The following TRHDE variants were observed in gnomAD, a reference collection of about 807,000 sequenced individuals.
TRHDE encodes the protein thyrotropin-releasing hormone-degrading ectoenzyme.
A neutral mutation model predicts 125.7 loss-of-function variants in TRHDE; 72 were observed. The observed-to-expected ratio is 0.57, with a 90% CI of 0.47 to 0.70. The LOEUF is 0.70. TRHDE is among the 30% of genes least tolerant of loss of function. TRHDE has a pLI of 0.00. For synonymous variants in TRHDE, 509 were observed against 509.1 expected (o/e 1.00, Z 0.00); for missense variants, 1,110 against 1,327.1 (o/e 0.84, Z 2.54).
intron 2 of TRHDE, among the ~76,000 whole-genome samples, chr12:72,317,786 TG>T (rs1565696232): frequency 6.6e-6 from 1 of 152,052 alleles, no homozygotes; most frequent in Non-Finnish European, 1.5e-5. Context: ...TAGGATGGAA[TG>T]GGCAGGGAAC....
intron 5 of TRHDE, among the ~76,000 whole-genome samples, chr12:72,495,060 G>GTTTTTTTTTTTT (rs751243542): frequency 3.4e-5 from 2 of 58,390 alleles, no homozygotes; most frequent in African/African-American, 7.4e-5. Context: ...TTCCTCCCCC[G>GTTTTTTTTTTTT]TTTTTTTTTT....
chr12:72,548,712 CCT>C (rs1475886527), intron 7 of TRHDE, among the ~76,000 whole-genome samples: 1 of 151,330 alleles, frequency 6.6e-6, no homozygotes, highest in Admixed American at 6.6e-5. Context: ...ATTATGAAAT[CCT>C]CACATAAAAT....
chr12:72,635,444 C>T (rs1446375871), intron 15 of TRHDE, among the ~76,000 whole-genome samples: 8 of 152,120 alleles, frequency 5.3e-5, no homozygotes, highest in South Asian at 2.1e-4. Flanking sequence ...TTCTCCCATT[C>T]TGTAGGTTGC....
chr12:72,583,711 C>T (rs1484027665), intron 12 of TRHDE, among the ~76,000 whole-genome samples: 1 of 152,130 alleles, frequency 6.6e-6, no homozygotes, highest in Non-Finnish European at 1.5e-5. Flanking sequence ...TTTCAAGCTA[C>T]ACTGTTTCTG....
intron 2 of TRHDE, among the ~76,000 whole-genome samples, chr12:72,163,452 C>G (rs1367974858): frequency 1.3e-5 from 2 of 152,228 alleles, no homozygotes; most frequent in East Asian, 3.9e-4. Flanking sequence ...CAATGTCAAG[C>G]CTTAGGGGAA....
chr12:72,621,678 A>G lies in TRHDE; in HGVS notation c.2602A>G (p.Ser868Gly). Residue 868 changes from serine (S) to glycine (G), a missense_variant, in exon 15 of 19, where the codon AGT (serine) becomes GGT (glycine). Physicochemically the swap from Ser to Gly is moderately conservative, Grantham distance 56. Coordinates refer to ENST00000261180, the MANE Select transcript of TRHDE (RefSeq NM_013381.3). Reference sequence around the variant, plus strand: ...TAGAGAAGTTATAATGCTGGCCTGCAGTTTTGGCAACAAGCACTGTCACCA... The same window carrying G: ...TAGAGAAGTTATAATGCTGGCCTGCGGTTTTGGCAACAAGCACTGTCACCA... ...LRREVIMLAC[S>G]FGNKHCHQQA... The G allele has an allele frequency of 6.2e-7, 1 of 1,607,846 alleles. No homozygotes were observed. The highest frequency in any genetic ancestry group is 1.3e-5 in the African/African-American group (1 of 74,336).
At chr12:72,154,504 ATTTGGCATGT>A (rs1191212337) in intron 2 of TRHDE, among the ~76,000 whole-genome samples, 1 of 152,130 alleles carries the variant, frequency 6.6e-6, no homozygotes, top group African/African-American at 2.4e-5. Context: ...GGTCTTTACA[ATTTGGCATGT>A]TTTTGCAGTG....
chr12:72,567,384 T>C (rs1262094338), intron 9 of TRHDE, among the ~76,000 whole-genome samples: 1 of 151,974 alleles, frequency 6.6e-6, no homozygotes, highest in East Asian at 1.9e-4. Flanking sequence ...TGATTTTCCA[T>C]ACTGGAGATA....
chr12:72,220,874 A>T (rs1006377004), intron 2 of TRHDE, among the ~76,000 whole-genome samples: 1 of 152,026 alleles, frequency 6.6e-6, no homozygotes, highest in Non-Finnish European at 1.5e-5. Flanking sequence ...TTTCCTTATT[A>T]TGAAAGTTAG....
At position 72,272,690 on chromosome 12, in the gene TRHDE, A is replaced by G. The variant is rs1879274047; in HGVS notation, c.47A>G (p.Lys16Arg). 17 of 1,356,450 alleles carry G rather than the reference A, an allele frequency of 1.3e-5. No individual in the cohort carries two copies. In the South Asian group the frequency reaches 2.6e-4, roughly 21 times the overall value. 84.0% of individuals were successfully genotyped at this position (1,356,450 alleles called of 1,614,324 possible). ...GGGGAGCAAGAGGAGGAGAAGAAAA[A>G]GAAGAAGAAAAAGAAGAGGAAGAAG... Reference protein sequence around the residue: ...ELGEQEEEKKKKKKKKRKKKK... With the variant: ...ELGEQEEEKKRKKKKKRKKKK... The change falls in exon 1 of 19, where the codon AAG becomes AGG. Residue 16 changes from lysine to arginine, a missense_variant. Lys to Arg is a conservative substitution (Grantham distance 26). Coordinates refer to ENST00000261180, the MANE Select transcript of TRHDE (RefSeq NM_013381.3). The surrounding 1 kb of genome is among the most constrained non-coding windows in gnomAD (Gnocchi z 6.7).
intron 2 of TRHDE, among the ~76,000 whole-genome samples, chr12:72,151,960 G>C (rs1194133651): frequency 6.6e-6 from 1 of 151,554 alleles, no homozygotes. Flanking sequence ...GATGGGGATG[G>C]CATTGAATCT....
chr12:72,122,641 CACTT>C (rs1169807826), intron 2 of TRHDE, among the ~76,000 whole-genome samples: 1 of 151,772 alleles, frequency 6.6e-6, no homozygotes, highest in Non-Finnish European at 1.5e-5. Flanking sequence ...TAACTCAAAA[CACTT>C]AGAGTTTTAT....
At chr12:72,481,838 C>T (rs994273976) in intron 5 of TRHDE, among the ~76,000 whole-genome samples, 2 of 151,944 alleles carry the variant, frequency 1.3e-5, no homozygotes, top group African/African-American at 4.8e-5. Flanking sequence ...GTGTCATATA[C>T]ATCATTAAAG....
chr12:72,604,648 T>G (rs1435185233), intron 12 of TRHDE, among the ~76,000 whole-genome samples: 1 of 152,060 alleles, frequency 6.6e-6, no homozygotes, highest in Non-Finnish European at 1.5e-5. Flanking sequence ...TAATTCTTAT[T>G]TTGTCACTTT....
chr12:72,121,520 A>G (rs1422220567), intron 2 of TRHDE, among the ~76,000 whole-genome samples: 1 of 152,140 alleles, frequency 6.6e-6, no homozygotes, highest in Non-Finnish European at 1.5e-5. Flanking sequence ...AATGCAAAGT[A>G]CCGCAATCAC....
chr12:72,614,330 A>ATATATATATATATATTT (rs531067163), intron 12 of TRHDE, among the ~76,000 whole-genome samples: 5 of 129,858 alleles, frequency 3.9e-5, no homozygotes, highest in African/African-American at 1.5e-4. Context: ...ATATATATAT[A>ATATATATATATATATTT]TTTTTTTTTT....
chr12:72,099,911 G>C (rs1201645553), intron 1 of TRHDE, among the ~76,000 whole-genome samples: 2 of 152,132 alleles, frequency 1.3e-5, no homozygotes, highest in Admixed American at 6.5e-5. Context: ...GATATGTTCT[G>C]AAAGGGTACA....
intron 2 of TRHDE, among the ~76,000 whole-genome samples, chr12:72,195,884 T>G (rs1042982530): frequency 6.6e-6 from 1 of 152,180 alleles, no homozygotes; most frequent in Admixed American, 6.5e-5. Context: ...TTAATCAATC[T>G]TGAGTTAATT....
chr12:72,181,290 G>A (rs369321853), intron 2 of TRHDE, among the ~76,000 whole-genome samples: 8 of 152,100 alleles, frequency 5.3e-5, no homozygotes, highest in African/African-American at 1.9e-4. Context: ...CCTATCATTA[G>A]CATCAACAAC....
Sources: gnomAD v4.1 joint callset for allele counts (sites outside exome capture counted in the v4.1 genomes callset) on GRCh38, gnomAD v4.1.1 for gene constraint, Gnocchi (gnomAD v3.1) non-coding constraint, MANE v1.5 for transcripts, NCBI Gene and HGNC (gene_info 2026-07-23, HGNC 2026-07-21) for gene names.